The following NRG3 variants were observed in gnomAD, a reference collection of about 807,000 sequenced individuals.
NRG3 encodes neuregulin 3.
In NRG3, 31 loss-of-function variants were observed where a neutral mutation model predicts 66.9. The ratio of observed to expected loss-of-function variants is 0.46; its 90% CI spans 0.35 to 0.63. The LOEUF (loss-of-function observed/expected upper bound fraction) is 0.63. Among genes scored for constraint, NRG3 ranks in the 20% least tolerant of loss-of-function variants. The pLI, the probability that NRG3 is intolerant of heterozygous loss-of-function variation, is 0.00. For missense variants in NRG3, 910 were observed against 878.9 expected, an observed-to-expected ratio of 1.04 and a Z score of -0.45; for synonymous variants, 393 against 359.4, an observed-to-expected ratio of 1.09 and a Z score of -1.06.
At chr10:82,901,573 G>A (rs1482643669) in intron 4 of NRG3, among the ~76,000 whole-genome samples, 1 of 152,176 alleles carries the variant, frequency 6.6e-6, no homozygotes. Context: ...CCAGCTCTAG[G>A]AGTGATCCTC....
chr10:82,158,143 A>G (rs1461545562), intron 1 of NRG3, among the ~76,000 whole-genome samples: 1 of 151,796 alleles, frequency 6.6e-6, no homozygotes, highest in African/African-American at 2.4e-5. Context: ...GAACCTTGAT[A>G]AGGAAAATAT....
At chr10:82,929,172 G>A (rs570746051) in intron 4 of NRG3, among the ~76,000 whole-genome samples, 14 of 152,124 alleles carry the variant, frequency 9.2e-5, no homozygotes, top group African/African-American at 2.7e-4. Context: ...TGCTGAATCC[G>A]AATTATAATG....
intron 1 of NRG3, among the ~76,000 whole-genome samples, chr10:81,887,057 A>G (rs1482864807): frequency 2.0e-5 from 3 of 152,166 alleles, no homozygotes; most frequent in African/African-American, 2.4e-5. Flanking sequence ...TGTAAAGAAT[A>G]TACTCCATGA....
At chr10:82,981,475 G>T (rs1320586743) in intron 8 of NRG3, among the ~76,000 whole-genome samples, 1 of 152,172 alleles carries the variant, frequency 6.6e-6, no homozygotes, top group African/African-American at 2.4e-5. Context: ...CTGGAAATGG[G>T]ATTCGTAATA....
chr10:82,600,550 A>G (rs1280627557), intron 2 of NRG3, among the ~76,000 whole-genome samples: 1 of 152,140 alleles, frequency 6.6e-6, no homozygotes, highest in African/African-American at 2.4e-5. Flanking sequence ...AGCGCATTGC[A>G]ACCCCTGCCT....
chr10:82,265,675 C>G (rs1307040532), intron 1 of NRG3, among the ~76,000 whole-genome samples: 2 of 152,162 alleles, frequency 1.3e-5, no homozygotes, highest in Non-Finnish European at 2.9e-5. Flanking sequence ...GTTGGACCAT[C>G]TACATGCTTA....
At chr10:82,968,354 GA>G (rs1315680408) in intron 6 of NRG3, among the ~76,000 whole-genome samples, 1 of 151,776 alleles carries the variant, frequency 6.6e-6, no homozygotes, top group Non-Finnish European at 1.5e-5. Context: ...TGCTGTGAGA[GA>G]AAGAAAAAAA....
At chr10:81,890,174 C>A (rs1324305035) in intron 1 of NRG3, among the ~76,000 whole-genome samples, 2 of 152,130 alleles carry the variant, frequency 1.3e-5, no homozygotes, top group Non-Finnish European at 2.9e-5. Flanking sequence ...GACAGGCTTT[C>A]TGCATCTGAA....
intron 2 of NRG3, among the ~76,000 whole-genome samples, chr10:82,681,522 A>C (rs2054111243): frequency 6.6e-6 from 1 of 152,242 alleles, no homozygotes; most frequent in Non-Finnish European, 1.5e-5. Flanking sequence ...AATCTTCAGC[A>C]GGGACTGGCA....
At chr10:81,947,804 A>T (rs995398564) in intron 1 of NRG3, among the ~76,000 whole-genome samples, 1 of 152,110 alleles carries the variant, frequency 6.6e-6, no homozygotes, top group Non-Finnish European at 1.5e-5. Flanking sequence ...GCACTTCATT[A>T]TCGCAGGGAT....
chr10:82,137,706 G>C (rs1284731858), intron 1 of NRG3, among the ~76,000 whole-genome samples: 2 of 152,192 alleles, frequency 1.3e-5, no homozygotes, highest in Non-Finnish European at 2.9e-5. Context: ...CCAGGCTTTA[G>C]TATTAAAAGA....
intron 1 of NRG3, among the ~76,000 whole-genome samples, chr10:81,933,349 T>C (rs1847570845): frequency 6.6e-6 from 1 of 152,138 alleles, no homozygotes; most frequent in Admixed American, 6.5e-5. Context: ...CCCAATTTTG[T>C]AGATCAGAAA....
intron 2 of NRG3, among the ~76,000 whole-genome samples, chr10:82,403,670 A>G (rs2087281581): frequency 6.6e-6 from 1 of 152,148 alleles, no homozygotes; most frequent in Non-Finnish European, 1.5e-5. Context: ...CCTCCTGGGG[A>G]TATTTCTAGA....
chr10:82,704,792 A>G (rs2056162351), intron 2 of NRG3, among the ~76,000 whole-genome samples: 1 of 152,186 alleles, frequency 6.6e-6, no homozygotes, highest in Admixed American at 6.6e-5. Context: ...CAGCTTGTCC[A>G]TTTGTAAAGA....
At chr10:82,186,289 G>A (rs545019481) in intron 1 of NRG3, among the ~76,000 whole-genome samples, 2 of 152,252 alleles carry the variant, frequency 1.3e-5, no homozygotes, top group South Asian at 2.1e-4. Context: ...GAAATCATAA[G>A]AGAAGCATCT....
At chr10:82,978,493 C>T (rs143936754) in intron 7 of NRG3, among the ~76,000 whole-genome samples, 2,141 of 152,268 alleles carry the variant, frequency 0.014, 14 homozygotes, top group Non-Finnish European at 0.022. Context: ...TTAATTTTAT[C>T]GCTAATAAGT....
chr10:81,971,116 G>C (rs2059917722), intron 1 of NRG3, among the ~76,000 whole-genome samples: 1 of 152,158 alleles, frequency 6.6e-6, no homozygotes, highest in African/African-American at 2.4e-5. Context: ...CTCCAGCCTA[G>C]GCAACAAGAG....
At chr10:82,069,925 A>G (rs2064707947) in intron 1 of NRG3, among the ~76,000 whole-genome samples, 1 of 152,174 alleles carries the variant, frequency 6.6e-6, no homozygotes, top group African/African-American at 2.4e-5. Flanking sequence ...TCTCTTATTA[A>G]TAGTCTGTCA....
chr10:82,569,809 T>C (rs1303287074), intron 2 of NRG3, among the ~76,000 whole-genome samples: 1 of 151,664 alleles, frequency 6.6e-6, no homozygotes, highest in Non-Finnish European at 1.5e-5. Flanking sequence ...GTCAAAGATC[T>C]CTCATATGAG....
Sources: allele counts gnomAD v4.1 joint callset (sites outside exome capture counted in the v4.1 genomes callset), GRCh38; gene constraint gnomAD v4.1.1; transcripts MANE v1.5; gene names NCBI Gene and HGNC (gene_info 2026-07-23, HGNC 2026-07-21).